Variants in PACRG observed in about 807,000 individuals in gnomAD.
PACRG encodes parkin coregulated.
In PACRG, 29 loss-of-function variants were observed where a neutral mutation model predicts 29.7. The observed-to-expected ratio is 0.98, with a 90% confidence interval of 0.73 to 1.33. The LOEUF (loss-of-function observed/expected upper bound fraction) is 1.33, where lower values mean the gene tolerates loss of function less well. Ranked by LOEUF, PACRG falls within the 40% of genes most tolerant of loss-of-function variation. The pLI is 0.00. For synonymous variants in PACRG, 116 were observed against 118.7 expected, an observed-to-expected ratio of 0.98 and a Z score of 0.15; for missense variants, 279 against 316.2, an observed-to-expected ratio of 0.88 and a Z score of 0.89.
At chr6:163,192,325 A>T (rs1173608894) in intron 4 of PACRG, among the ~76,000 whole-genome samples, 1 of 152,248 alleles carries the variant, frequency 6.6e-6, no homozygotes, top group Non-Finnish European at 1.5e-5. Flanking sequence ...CTTCCTACAG[A>T]TACTTTCAGA....
chr6:162,864,521 G>A (rs2128445561), intron 2 of PACRG, among the ~76,000 whole-genome samples: 1 of 152,238 alleles, frequency 6.6e-6, no homozygotes, highest in East Asian at 1.9e-4. Context: ...CTTTCTTCCT[G>A]CCTGTCTACC....
intron 4 of PACRG, among the ~76,000 whole-genome samples, chr6:163,092,774 T>C (rs1814227867): frequency 6.6e-6 from 1 of 152,216 alleles, no homozygotes; most frequent in Admixed American, 6.5e-5. Context: ...GAGAGAGCCA[T>C]TATGATTACA....
intron 4 of PACRG, among the ~76,000 whole-genome samples, chr6:163,311,670 C>T (rs1341301678): frequency 3.3e-5 from 5 of 152,270 alleles, no homozygotes; most frequent in Middle Eastern, 3.4e-3. Context: ...CCCAATGATA[C>T]GCATTCTGCA....
intron 2 of PACRG, among the ~76,000 whole-genome samples, chr6:162,876,074 T>C (rs1793323612): frequency 6.6e-6 from 1 of 152,168 alleles, no homozygotes; most frequent in Admixed American, 6.5e-5. Context: ...GCTAAAACCA[T>C]GCATGCTTCC....
chr6:163,247,421 A>T (rs1235164759), intron 4 of PACRG, among the ~76,000 whole-genome samples: 1 of 152,192 alleles, frequency 6.6e-6, no homozygotes, highest in Non-Finnish European at 1.5e-5. Context: ...AGATATTAAG[A>T]ATTGCAATGT....
chr6:162,727,892 C>A (rs572151187), upstream of PACRG: 3 of 594,764 alleles, frequency 5.0e-6, no homozygotes, highest in Admixed American at 3.1e-5. Flanking sequence ...CCCAGCCCCC[C>A]ACCGCCGCCC....
intron 1 of PACRG, among the ~76,000 whole-genome samples, chr6:162,763,819 C>T (rs1367112846): frequency 6.6e-6 from 1 of 152,150 alleles, no homozygotes; most frequent in Non-Finnish European, 1.5e-5. Context: ...TTCAGTCGGC[C>T]ATGTTTCTTC....
intron 4 of PACRG, among the ~76,000 whole-genome samples, chr6:163,148,506 C>T (rs1235004752): frequency 6.6e-6 from 1 of 152,180 alleles, no homozygotes; most frequent in African/African-American, 2.4e-5. Context: ...AAGCCCACCA[C>T]CCTTCCCTTG....
chr6:163,225,020 T>C (rs1317585458), intron 4 of PACRG, among the ~76,000 whole-genome samples: 1 of 152,014 alleles, frequency 6.6e-6, no homozygotes, highest in East Asian at 1.9e-4. Context: ...TAACCCAATT[T>C]AAAAATGGGC....
At chr6:163,068,495 T>TA (rs56749591) in intron 3 of PACRG, among the ~76,000 whole-genome samples, 34,240 of 150,732 alleles carry the variant, frequency 0.23, 4,574 homozygotes, top group East Asian at 0.65. Context: ...TTTTTTTTTT[T>TA]ATCAATTTTC....
At chr6:162,947,614 A>ATATATATATATGAT (rs1799290689) in intron 2 of PACRG, among the ~76,000 whole-genome samples, 1 of 15,054 alleles carries the variant, frequency 6.6e-5, no homozygotes, top group Non-Finnish European at 1.4e-4. Context: ...ATATAATCAT[A>ATATATATATATGAT]TATATATATA....
intron 4 of PACRG, among the ~76,000 whole-genome samples, chr6:163,283,699 G>T (rs897985949): frequency 1.3e-5 from 2 of 151,804 alleles, no homozygotes; most frequent in Non-Finnish European, 2.9e-5. Context: ...TACTCGGGAG[G>T]CTGAGGCAGG....
chr6:163,269,936 AAAGAAAGAAAGAAAGAAAG>A (rs1562349991), intron 4 of PACRG, among the ~76,000 whole-genome samples: 489 of 15,280 alleles, frequency 0.032, 8 homozygotes, highest in Non-Finnish European at 0.044. Flanking sequence ...GAAAACAAAG[AAAGAAAGAAAGAAAGAAAG>A]AAAGAAAGAA....
At chr6:162,890,742 C>G (rs1374390749) in intron 2 of PACRG, among the ~76,000 whole-genome samples, 1 of 152,156 alleles carries the variant, frequency 6.6e-6, no homozygotes, top group African/African-American at 2.4e-5. Context: ...TATCACATAC[C>G]CTGTGAATCA....
At chr6:163,007,189 G>A (rs1805195136) in intron 2 of PACRG, among the ~76,000 whole-genome samples, 4 of 151,896 alleles carry the variant, frequency 2.6e-5, no homozygotes, top group Admixed American at 2.6e-4. Context: ...TAAAAACATG[G>A]AACATTTTTC....
chr6:163,164,758 A>G (rs1778718617), intron 4 of PACRG, among the ~76,000 whole-genome samples: 1 of 152,226 alleles, frequency 6.6e-6, no homozygotes, highest in Non-Finnish European at 1.5e-5. Flanking sequence ...TAGATAGGCC[A>G]CATGGTTTAG....
chr6:162,981,305 A>ATATATATTTTTTTTTTTTT (rs925663285), intron 2 of PACRG, among the ~76,000 whole-genome samples: 2 of 149,132 alleles, frequency 1.3e-5, no homozygotes, highest in African/African-American at 5.0e-5. Context: ...ATATATATAT[A>ATATATATTTTTTTTTTTTT]TTTACAATGG....
chr6:162,874,202 A>G (rs960483326), intron 2 of PACRG, among the ~76,000 whole-genome samples: 1 of 150,908 alleles, frequency 6.6e-6, no homozygotes, highest in South Asian at 2.1e-4. Context: ...TAGGGTATCA[A>G]ATAGTTGAGT....
chr6:162,908,175 A>T (rs1039627320), intron 2 of PACRG, among the ~76,000 whole-genome samples: 16 of 152,212 alleles, frequency 1.1e-4, no homozygotes, highest in African/African-American at 3.6e-4. Flanking sequence ...CTATTGAATA[A>T]ATTATAACTC....
Sources: gnomAD v4.1 joint callset for allele counts (sites outside exome capture counted in the v4.1 genomes callset) on GRCh38, gnomAD v4.1.1 for gene constraint, MANE v1.5 for transcripts, NCBI Gene and HGNC (gene_info 2026-07-23, HGNC 2026-07-21) for gene names.